The following RBPJ variants were observed in gnomAD, a reference collection of about 807,000 sequenced individuals.
RBPJ encodes recombination signal binding protein for immunoglobulin kappa J region.
A neutral mutation model predicts 67.8 loss-of-function variants in RBPJ; 9 were observed. That is an observed-to-expected ratio of 0.13 (90% CI 0.08 to 0.23). The LOEUF (loss-of-function observed/expected upper bound fraction) is 0.23. Ranked by LOEUF, RBPJ falls within the 10% of genes least tolerant of loss-of-function variation. RBPJ has a pLI of 1.00. For missense variants in RBPJ, 305 were observed against 595.6 expected (o/e 0.51, Z 5.08); for synonymous variants, 198 against 203.3 (o/e 0.97, Z 0.22).
At chr4:26,127,020 C>T in the RBPJ span, among the ~76,000 whole-genome samples, 1 of 152,184 alleles carries the variant, frequency 6.6e-6, no homozygotes, top group African/African-American at 2.4e-5. Flanking sequence ...CGACCACACA[C>T]GTCACTCTGA....
intron 1 of RBPJ, among the ~76,000 whole-genome samples, chr4:26,244,397 G>GTA (rs1719831696): frequency 0.062 from 85 of 1,372 alleles, 27 homozygotes; most frequent in African/African-American, 0.19. Context: ...ATATATGTAT[G>GTA]CACATATGTG....
intron 2 of RBPJ, among the ~76,000 whole-genome samples, chr4:26,397,311 G>A (rs779392318): frequency 4.6e-5 from 7 of 152,110 alleles, no homozygotes; most frequent in South Asian, 2.1e-4. Context: ...GTGGGGGTGC[G>A]TATAAATCAG....
At chr4:26,402,343 G>A (rs1219913802) in intron 2 of RBPJ, among the ~76,000 whole-genome samples, 1 of 152,072 alleles carries the variant, frequency 6.6e-6, no homozygotes, top group Non-Finnish European at 1.5e-5. Context: ...GTGGGAATCG[G>A]CACCATTAAT....
chr4:26,178,434 C>T (rs1320517495), intron 1 of RBPJ, among the ~76,000 whole-genome samples: 1 of 152,050 alleles, frequency 6.6e-6, no homozygotes, highest in Non-Finnish European at 1.5e-5. Flanking sequence ...TAGCAAGTCC[C>T]TGTCTGTACA....
chr4:26,282,962 G>GT (rs1721327898), intron 1 of RBPJ, among the ~76,000 whole-genome samples: 3 of 91,876 alleles, frequency 3.3e-5, no homozygotes, highest in Non-Finnish European at 6.0e-5. Flanking sequence ...ATGGAGTCTC[G>GT]TTTTGTCACC....
the RBPJ span, among the ~76,000 whole-genome samples, chr4:26,129,926 A>G: frequency 6.6e-6 from 1 of 152,092 alleles, no homozygotes; most frequent in Non-Finnish European, 1.5e-5. Flanking sequence ...CAGCAGCGCC[A>G]TCTCAGCTCA....
At chr4:26,392,886 T>TCTAAA (rs1477203330) in intron 2 of RBPJ, among the ~76,000 whole-genome samples, 3 of 152,326 alleles carry the variant, frequency 2.0e-5, no homozygotes, top group East Asian at 3.9e-4. Context: ...TGAAAGGGAT[T>TCTAAA]AGTGTATCTT....
intron 1 of RBPJ, among the ~76,000 whole-genome samples, chr4:26,373,078 T>G (rs1448758210): frequency 6.6e-6 from 1 of 152,244 alleles, no homozygotes; most frequent in East Asian, 1.9e-4. Context: ...ATCATTATAA[T>G]GTAAGTTACA....
At chr4:26,299,671 GC>G (rs1167838087) in intron 1 of RBPJ, among the ~76,000 whole-genome samples, 1 of 122,564 alleles carries the variant, frequency 8.2e-6, no homozygotes, top group African/African-American at 3.1e-5. Flanking sequence ...AAGACTGTGT[GC>G]TTTTTTTTTT....
the RBPJ span, among the ~76,000 whole-genome samples, chr4:26,123,929 T>A: frequency 6.6e-6 from 1 of 152,132 alleles, no homozygotes; most frequent in Admixed American, 6.5e-5. Context: ...ACAGTTAACT[T>A]TTTTTTAAAT....
At chr4:26,281,850 T>TTAC (rs1375961115) in intron 1 of RBPJ, among the ~76,000 whole-genome samples, 1 of 152,126 alleles carries the variant, frequency 6.6e-6, no homozygotes, top group Non-Finnish European at 1.5e-5. Flanking sequence ...GACAGAAGAG[T>TTAC]TACGCTAATT....
intron 1 of RBPJ, among the ~76,000 whole-genome samples, chr4:26,247,567 C>T (rs923686890): frequency 2.6e-5 from 4 of 151,984 alleles, no homozygotes; most frequent in African/African-American, 7.3e-5. Context: ...TGCGCCACCG[C>T]GTCCGGCTAA....
intron 1 of RBPJ, among the ~76,000 whole-genome samples, chr4:26,225,834 A>G (rs1719056925): frequency 6.6e-6 from 1 of 152,084 alleles, no homozygotes; most frequent in African/African-American, 2.4e-5. Context: ...TTCCACTGCC[A>G]TGCTACTAAA....
rs1004085799 is a variant in RBPJ at position 26,425,741 on chromosome 4, T to C, written c.747+998T>C. Among the ~76,000 whole-genome samples, 4 of 152,328 alleles carry C rather than the reference T, an allele frequency of 2.6e-5. No individual in the cohort carries two copies. In the East Asian group the frequency reaches 5.8e-4, roughly 22 times the overall value. On this transcript the variant is annotated intron_variant, in intron 7 of 10. Coordinates refer to ENST00000355476, the MANE Select transcript of RBPJ (RefSeq NM_015874.6). ...TTTCTCAAACAATATAATTTACTTA[T>C]ATTCAAGATGAAGGGGATTTATGAG...
chr4:26,386,513 A>G (rs1352228382), intron 2 of RBPJ, 122 bp downstream of exon 2: 1 of 625,750 alleles, frequency 1.6e-6, no homozygotes, highest in African/African-American at 1.9e-5. Flanking sequence ...CTAGAGCATA[A>G]ACTTATTCTC....
chr4:26,295,693 C>T (rs780788258), intron 1 of RBPJ, among the ~76,000 whole-genome samples: 67 of 152,268 alleles, frequency 4.4e-4, no homozygotes, highest in Non-Finnish European at 8.2e-4. Context: ...AGCCCTGTGG[C>T]ATCAGGACAT....
intron 1 of RBPJ, among the ~76,000 whole-genome samples, chr4:26,255,376 C>G (rs1352841025): frequency 8.5e-5 from 9 of 106,190 alleles, no homozygotes; most frequent in African/African-American, 4.3e-4. Context: ...CGCACTCCAG[C>G]CTGGGCGACA....
chr4:26,226,441 C>T (rs1436551572), intron 1 of RBPJ, among the ~76,000 whole-genome samples: 1 of 152,146 alleles, frequency 6.6e-6, no homozygotes, highest in African/African-American at 2.4e-5. Flanking sequence ...TACTACTGCA[C>T]TTGAGCCTGA....
intron 1 of RBPJ, among the ~76,000 whole-genome samples, chr4:26,358,905 T>TATTA (rs1727707191): frequency 6.6e-6 from 1 of 152,222 alleles, no homozygotes; most frequent in South Asian, 2.1e-4. Flanking sequence ...GCCTTACATG[T>TATTA]ATTAAGTCTT....
Sources: allele counts gnomAD v4.1 joint callset (sites outside exome capture counted in the v4.1 genomes callset), GRCh38; gene constraint gnomAD v4.1.1; transcripts MANE v1.5; gene names NCBI Gene and HGNC (gene_info 2026-07-23, HGNC 2026-07-21).